The following GLOD4 variants were observed in gnomAD, a reference collection of about 807,000 sequenced individuals.
GLOD4 encodes glyoxalase domain-containing protein 4.
Under a neutral mutation model 39.1 loss-of-function variants are expected in GLOD4, and 44 were observed. The ratio of observed to expected loss-of-function variants is 1.13; its 90% CI spans 0.88 to 1.45. The LOEUF (loss-of-function observed/expected upper bound fraction) is 1.45. GLOD4 is among the 40% of genes most tolerant of loss of function. The pLI is 0.00. For synonymous variants in GLOD4, 145 were observed against 135.0 expected, an observed-to-expected ratio of 1.07 and a Z score of -0.52; for missense variants, 405 against 366.4, an observed-to-expected ratio of 1.11 and a Z score of -0.86.
chr17:773,721 A>G (rs1908395700), intron 4 of GLOD4, among the ~76,000 whole-genome samples: 1 of 152,238 alleles, frequency 6.6e-6, no homozygotes, highest in Non-Finnish European at 1.5e-5. Flanking sequence ...CCTGTTTGCT[A>G]GAACAGCAAT....
At chr17:768,477 G>A (rs1289687477) in intron 8 of GLOD4, among the ~76,000 whole-genome samples, 1 of 147,612 alleles carries the variant, frequency 6.8e-6, no homozygotes, top group Non-Finnish European at 1.5e-5. Flanking sequence ...CAGATTTTTA[G>A]AAGAAATCTG....
In GLOD4 at chr17:769,846, A is replaced by G. The variant is rs1206146370; in HGVS notation, c.831+23T>C. 4.4e-6 allele frequency: 6 copies of G among 1,354,280 alleles called. No individual in the cohort carries two copies. In the South Asian group the frequency reaches 5.8e-5, roughly 13 times the overall value. 83.9% of individuals were successfully genotyped at this position (1,354,280 alleles called of 1,614,324 possible). On this transcript the variant is annotated intron_variant, in intron 8 of 8. Transcript: ENST00000301329. ...CCATCCCTCTCAGGCCCATGGTGAC[A>G]TAAATGTAGAAATGGGACTCACATC... is the stretch of plus-strand genomic sequence containing the variant.
chr17:778,195 C>G (rs1909278829), intron 2 of GLOD4: 1 of 194,006 alleles, frequency 5.2e-6, no homozygotes, highest in African/African-American at 2.3e-5. Flanking sequence ...CCATGAGCCA[C>G]TGTAGCAGAC....
intron 4 of GLOD4, among the ~76,000 whole-genome samples, chr17:772,941 G>C (rs1306597627): frequency 6.6e-6 from 1 of 151,506 alleles, no homozygotes; most frequent in Non-Finnish European, 1.5e-5. Flanking sequence ...CTTGCAGTGA[G>C]CCCAGAGCGC....
At chr17:780,381 G>C (rs1383634229) in intron 1 of GLOD4, among the ~76,000 whole-genome samples, 1 of 152,018 alleles carries the variant, frequency 6.6e-6, no homozygotes, top group Non-Finnish European at 1.5e-5. Flanking sequence ...TGTCCATCCT[G>C]ATATCCCATC....
At chr17:777,814 C>T (rs1909219888) in intron 2 of GLOD4, 1 of 152,210 alleles carries the variant, frequency 6.6e-6, no homozygotes, top group African/African-American at 2.4e-5. Context: ...TAATGAGCCC[C>T]TTTCAGTCAC....
intron 8 of GLOD4, among the ~76,000 whole-genome samples, chr17:767,939 A>C (rs1476809447): frequency 6.8e-6 from 1 of 146,802 alleles, no homozygotes; most frequent in Non-Finnish European, 1.5e-5. Context: ...TCTGGAGAGG[A>C]CGTAAGAGAG....
chr17:776,455 G>A (rs957174600), intron 3 of GLOD4, among the ~76,000 whole-genome samples: 4 of 152,048 alleles, frequency 2.6e-5, no homozygotes, highest in Non-Finnish European at 4.4e-5. Flanking sequence ...TTTCCAAAAC[G>A]CATCCTATAG....
At position 768,644 on chromosome 17, in the gene GLOD4, A is replaced by G. The variant is rs638533; in HGVS notation, c.831+1225T>C. 9.8e-3 allele frequency among the ~76,000 whole-genome samples: 1,050 copies of G among 107,176 alleles called. 99 individuals carry two copies. The highest frequency in any genetic ancestry group is 0.027 in the East Asian group (68 of 2,480). 70.3% of individuals were successfully genotyped at this position (107,176 alleles called of 152,430 possible). On this transcript the variant is annotated intron_variant, in intron 8 of 8. Coordinates refer to ENST00000301329, the MANE Select transcript of GLOD4 (RefSeq NM_016080.4). ...AACAGCGCGCACTCAGATTTTTAGA[A>G]GAAGAAATCTGGAGAGGACGTGAGA...
chr17:777,237 A>T, intron 2 of GLOD4: 1 of 538,150 alleles, frequency 1.9e-6, no homozygotes, highest in East Asian at 3.1e-5. Context: ...TAAAGCAAGG[A>T]ACAGAATCCT....
chr17:775,867 C>T lies in GLOD4; in HGVS notation c.314G>A (p.Trp105Ter), dbSNP rs1376929215. The change falls in exon 4 of 9, where the codon TGG (tryptophan) becomes TAG (stop). Residue 105 changes from tryptophan (W) to a stop codon, truncating the protein, a stop_gained. Transcript: ENST00000301329. LOFTEE classifies it high-confidence loss of function. ...ACCTTCTGCAACTTCCGTCAGTGGC[C>T]ACTCCAGCTTCCTGGCGTTGCTGAC... ...QAVSNARKLE[W>*]PLTEVAEGVF... is the part of the protein sequence containing the mutation. The T allele has an allele frequency of 6.2e-7, 1 of 1,613,066 alleles. No homozygotes were observed.
Position 779,447 on chromosome 17 carries a change from C to T in GLOD4, c.91-703G>A, listed in dbSNP as rs537103625. On this transcript the variant is annotated intron_variant, in intron 1 of 8. Coordinates refer to ENST00000301329, the MANE Select transcript of GLOD4 (RefSeq NM_016080.4). The stretch of plus-strand genomic sequence containing the variant: ...GAGTTCGAGACCAGCCTAGCCAACA[C>T]AGTGAAACCCCATCTCTACTAAAAA... Among the ~76,000 whole-genome samples, 69 of 147,942 alleles carry T rather than the reference C, an allele frequency of 4.7e-4. No homozygotes were observed. In the South Asian group the frequency reaches 6.6e-3, roughly 14 times the overall value.
chr17:781,024 G>A (rs1909854424), intron 1 of GLOD4, among the ~76,000 whole-genome samples: 1 of 149,304 alleles, frequency 6.7e-6, no homozygotes, highest in Non-Finnish European at 1.5e-5. Context: ...AGATACAGGC[G>A]ATTCTCTTGC....
At position 782,181 on chromosome 17, in the gene GLOD4, G is replaced by A. The variant is rs375370783; in HGVS notation, c.75C>T (p.Asp25=). ...CGGCCTGCACCTTCATCCCCAGGAC[G>A]TCCCGATAGAAACGCGCCGTCTGGA... ...NRFQTARFYR[D]VLGMKVLRHE... is the part of the protein sequence containing the mutation. Residue 25 remains aspartate (D), a synonymous_variant, in exon 1 of 9, where the codon GAC becomes GAT. Coordinates refer to ENST00000301329, the MANE Select transcript of GLOD4 (RefSeq NM_016080.4). The A allele has an allele frequency of 1.6e-5, 25 of 1,606,380 alleles. No homozygotes were observed. The African/African-American group carries it at 2.8e-4, about 18-fold the overall frequency.
At chr17:784,517 GGTGTGCTC>G (rs1910441826), upstream of GLOD4, among the ~76,000 whole-genome samples, 1 of 152,114 alleles carries the variant, frequency 6.6e-6, no homozygotes, top group Non-Finnish European at 1.5e-5. Flanking sequence ...ACTTGGGGCA[GGTGTGCTC>G]ACAGTGGCCA....
chr17:764,397 T>G (rs1352795879), intron 8 of GLOD4: 1 of 152,254 alleles, frequency 6.6e-6, no homozygotes, highest in African/African-American at 2.4e-5. Flanking sequence ...TTGGTGAGAA[T>G]GTAGACCTAC....
At chr17:762,022 T>C (rs759834912) in intron 8 of GLOD4, among the ~76,000 whole-genome samples, 82 of 152,148 alleles carry the variant, frequency 5.4e-4, no homozygotes, top group Non-Finnish European at 9.0e-4. Flanking sequence ...AGTTTGAAAT[T>C]TATCTCAGAG....
chr17:779,056 TATA>T (rs1477760012), intron 1 of GLOD4, among the ~76,000 whole-genome samples: 9 of 152,080 alleles, frequency 5.9e-5, no homozygotes, highest in Non-Finnish European at 2.9e-5. Flanking sequence ...GACTCACGCC[TATA>T]ATACCAGCAC....
At chr17:782,132 T>G in intron 1 of GLOD4, 34 bp downstream of exon 1, 4 of 1,522,554 alleles carry the variant, frequency 2.6e-6, no homozygotes, top group Non-Finnish European at 3.6e-6. Flanking sequence ...GGTTCCAGCC[T>G]CGCGCGCCAG....
Sources: allele counts gnomAD v4.1 joint callset (sites outside exome capture counted in the v4.1 genomes callset), GRCh38; gene constraint gnomAD v4.1.1; transcripts MANE v1.5; gene names NCBI Gene and HGNC (gene_info 2026-07-23, HGNC 2026-07-21).